TRAF1: variants seen among roughly 807,000 people sequenced by gnomAD.
TRAF1 encodes the protein TNF receptor-associated factor 1.
Under a neutral mutation model 40.9 loss-of-function variants are expected in TRAF1, and 23 were observed. The observed-to-expected ratio is 0.56, with a 90% CI of 0.40 to 0.80. The LOEUF (loss-of-function observed/expected upper bound fraction) is 0.80. Among genes scored for constraint, TRAF1 ranks in the 30% least tolerant of loss-of-function variants. TRAF1 has a pLI of 0.00. For synonymous variants in TRAF1, 206 were observed against 218.8 expected (o/e 0.94, Z 0.52); for missense variants, 477 against 528.7 (o/e 0.90, Z 0.96).
chr9:120,913,750 G>A lies in TRAF1; in HGVS notation c.295-12C>T, dbSNP rs1290550805. The stretch of plus-strand genomic sequence containing the variant: ...GACTGTGGGCTTCCCTGACAAGAGA[G>A]TGGGGCTGATCAGTGAAAACAGAGG... On this transcript the variant is annotated splice_polypyrimidine_tract_variant and intron_variant, in intron 4 of 7. Transcript: ENST00000373887. 1.9e-6 allele frequency: 3 copies of A among 1,550,382 alleles called. No individual in the cohort carries two copies. The African/African-American group carries it at 4.1e-5, about 21-fold the overall frequency.
intron 6 of TRAF1, 139 bp downstream of exon 6, chr9:120,911,197 G>T: frequency 2.1e-6 from 2 of 970,510 alleles, no homozygotes; most frequent in Non-Finnish European, 3.0e-6. Flanking sequence ...TCCTGCCCAT[G>T]GTGAGTGGCC....
chr9:120,926,055 G>A lies in TRAF1; in HGVS notation c.21C>T (p.Ser7=), dbSNP rs146002740. The part of the protein sequence containing the change: MASSSG[S]SPRPAPDENE... Reference sequence around the variant, plus strand: ...TCTCATCAGGGGCCGGGCGAGGACTGCTGCCTGAGCTGGAGGCCATCTCAG... The same window carrying A: ...TCTCATCAGGGGCCGGGCGAGGACTACTGCCTGAGCTGGAGGCCATCTCAG... The change falls in exon 2 of 8, where the codon AGC becomes AGT. Residue 7 remains serine, a synonymous_variant. Coordinates refer to ENST00000373887, the MANE Select transcript of TRAF1 (RefSeq NM_005658.5). 8.2e-4 allele frequency: 1,309 copies of A among 1,597,574 alleles called. 2 individuals are homozygous for A. Among genetic ancestry groups the A allele is most frequent in the Non-Finnish European group, 1.0e-3 (1,204 of 1,171,908 alleles).
At chr9:120,918,766 G>A (rs2046585639) in intron 3 of TRAF1, among the ~76,000 whole-genome samples, 1 of 152,208 alleles carries the variant, frequency 6.6e-6, no homozygotes. Flanking sequence ...ATGGCTTAAG[G>A]TCATGCTGAG....
upstream of TRAF1, among the ~76,000 whole-genome samples, chr9:120,928,934 C>T (rs908635929): frequency 6.6e-6 from 1 of 151,700 alleles, no homozygotes; most frequent in Non-Finnish European, 1.5e-5. Flanking sequence ...CCGGGGCGCC[C>T]GCGGCTGGGC....
intron 3 of TRAF1, among the ~76,000 whole-genome samples, chr9:120,923,025 C>T (rs895873870): frequency 6.6e-5 from 10 of 152,116 alleles, no homozygotes; most frequent in Middle Eastern, 3.4e-3. Flanking sequence ...TTTTTGTAAA[C>T]ATGTGGTTTC....
rs764539781 is a variant in TRAF1, at chr9:120,904,977, A to G, written c.*43T>C. 25 of 1,578,240 alleles carry G rather than the reference A, an allele frequency of 1.6e-5. No homozygotes were observed. The highest frequency in any genetic ancestry group is 2.2e-5 in the Non-Finnish European group (25 of 1,158,082). On this transcript the variant is annotated 3_prime_UTR_variant, in exon 8 of 8. Transcript: ENST00000373887. ...GGCAGGGCATCACAGTCCTCTGGCT[A>G]GCTCCCTTCTGAGTTGGAGCTCCCT...
At chr9:120,916,010 A>G (rs371614927) in intron 3 of TRAF1, among the ~76,000 whole-genome samples, 99 of 152,358 alleles carry the variant, frequency 6.5e-4, no homozygotes, top group Admixed American at 2.5e-3. Context: ...GTCTGCACAA[A>G]GGTGTGTATG....
chr9:120,923,628 G>A, intron 3 of TRAF1, 77 bp downstream of exon 3: 2 of 1,393,452 alleles, frequency 1.4e-6, no homozygotes, highest in Non-Finnish European at 2.0e-6. Flanking sequence ...GGGGTGGAGT[G>A]GGCAGCTGTC....
At chr9:120,916,894 G>T (rs546495078) in intron 3 of TRAF1, among the ~76,000 whole-genome samples, 1 of 152,124 alleles carries the variant, frequency 6.6e-6, no homozygotes, top group Non-Finnish European at 1.5e-5. Context: ...TGTAGACCTG[G>T]CTCCTTGGTG....
rs145544185 is a variant in TRAF1 at position 120,914,864 on chromosome 9, T to A, written c.229-564A>T. Reference sequence around the variant, plus strand: ...ATACAGGAGGGTCTCAGTGCTATTATAATAGCAATTTGACCCCACTGTTAG... The same window carrying A: ...ATACAGGAGGGTCTCAGTGCTATTAAAATAGCAATTTGACCCCACTGTTAG... On this transcript the variant is annotated intron_variant, in intron 3 of 7. Transcript: ENST00000373887. 6.7e-3 allele frequency among the ~76,000 whole-genome samples: 1,022 copies of A among 152,358 alleles called. 7 individuals are homozygous for A. The highest frequency in any genetic ancestry group is 0.011 in the Non-Finnish European group (771 of 68,028).
intron 3 of TRAF1, among the ~76,000 whole-genome samples, chr9:120,921,084 A>T (rs934111807): frequency 1.3e-5 from 2 of 152,088 alleles, no homozygotes; most frequent in Non-Finnish European, 2.9e-5. Flanking sequence ...TGGGGAAGCC[A>T]GCAGGGAGGG....
chr9:120,925,495 A>G (rs376703407), intron 2 of TRAF1, among the ~76,000 whole-genome samples: 1 of 152,258 alleles, frequency 6.6e-6, no homozygotes, highest in East Asian at 1.9e-4. Flanking sequence ...ATGCTGTGGA[A>G]GGAGAGATAT....
At chr9:120,910,012 C>A (rs2046514520) in intron 6 of TRAF1, among the ~76,000 whole-genome samples, 1 of 152,146 alleles carries the variant, frequency 6.6e-6, no homozygotes, top group South Asian at 2.1e-4. Context: ...GTGGCAAAAC[C>A]CTTTGAGGGC....
chr9:120,916,831 TC>T (rs2046572923), intron 3 of TRAF1, among the ~76,000 whole-genome samples: 1 of 152,098 alleles, frequency 6.6e-6, no homozygotes, highest in Non-Finnish European at 1.5e-5. Context: ...TGATGAAACC[TC>T]CCCAAACATG....
At position 120,925,939 on chromosome 9, in the gene TRAF1, G is replaced by T. The variant is rs34119250; in HGVS notation, c.137C>A (p.Pro46Gln). ...LCCAGCLSEN[P>Q]RNGEDQICPK... ...CTCCGCTCCTCCATCACCTCACCTC[G>T]GGTTCTCAGAGAGACAGCCTGCACA... The change falls in exon 2 of 8, where the codon CCG becomes CAG. Residue 46 changes from proline to glutamine, a missense_variant. Transcript: ENST00000373887. 7 of 1,613,642 alleles carry T rather than the reference G, an allele frequency of 4.3e-6. No homozygotes were observed. In the African/African-American group the frequency reaches 9.4e-5, roughly 22 times the overall value.
intron 3 of TRAF1, among the ~76,000 whole-genome samples, chr9:120,918,891 C>T (rs2046586287): frequency 2.0e-5 from 3 of 152,360 alleles, no homozygotes; most frequent in South Asian, 4.1e-4. Context: ...CAGATCCTCA[C>T]AGCCATGAGG....
At chr9:120,918,294 C>T (rs1447015078) in intron 3 of TRAF1, among the ~76,000 whole-genome samples, 1 of 152,052 alleles carries the variant, frequency 6.6e-6, no homozygotes, top group African/African-American at 2.4e-5. Context: ...TTCTGCCTAA[C>T]ACAGTGTTCA....
chr9:120,923,924 G>T, intron 2 of TRAF1, 132 bp from the exon 3 acceptor site: 1 of 877,474 alleles, frequency 1.1e-6, no homozygotes, highest in Non-Finnish European at 1.8e-6. Flanking sequence ...CAGAGCCACA[G>T]TTCCTAAATC....
chr9:120,916,013 T>C (rs1007157793), intron 3 of TRAF1, among the ~76,000 whole-genome samples: 3 of 152,296 alleles, frequency 2.0e-5, no homozygotes, highest in African/African-American at 2.4e-5. Flanking sequence ...TGCACAAAGG[T>C]GTGTATGTGA....
Sources: allele counts gnomAD v4.1 joint callset (sites outside exome capture counted in the v4.1 genomes callset), GRCh38; gene constraint gnomAD v4.1.1; transcripts MANE v1.5; gene names NCBI Gene and HGNC (gene_info 2026-07-23, HGNC 2026-07-21).